Variants in EPN3 observed in about 807,000 individuals in gnomAD.
The protein encoded by EPN3 is epsin 3.
EPN3 carries 56 observed loss-of-function variants against 55.5 expected under a neutral mutation model. The observed-to-expected ratio is 1.01, with a 90% CI of 0.81 to 1.26. The LOEUF (loss-of-function observed/expected upper bound fraction) is 1.26. Among genes scored for constraint, EPN3 ranks in the 50% most tolerant of loss-of-function variants. EPN3 has a pLI of 0.00. For missense variants in EPN3, 927 were observed against 853.4 expected (o/e 1.09, Z -1.07); for synonymous variants, 449 against 375.2 (o/e 1.20, Z -2.27).
chr17:50,539,032 A>C, intron 4 of EPN3, 68 bp downstream of exon 4: 1 of 1,540,904 alleles, frequency 6.5e-7, no homozygotes, highest in African/African-American at 1.4e-5. Flanking sequence ...TCAGGGCACT[A>C]ACAGCCTCCT....
At chr17:50,539,132 C>T in intron 4 of EPN3, 55 bp from the exon 5 acceptor site, 4 of 1,605,974 alleles carry the variant, frequency 2.5e-6, no homozygotes, top group East Asian at 2.2e-5. Flanking sequence ...TGCACAGGTC[C>T]CCGGATTCCC....
At chr17:50,538,244 G>A (rs769119101) in intron 3 of EPN3, 47 bp downstream of exon 3, 1 of 1,497,054 alleles carries the variant, frequency 6.7e-7, no homozygotes, top group Admixed American at 1.7e-5. Flanking sequence ...TGGGCTAGGG[G>A]GAGAGAGTGC....
At chr17:50,537,314 G>A (rs992571050) in intron 2 of EPN3, 196 bp downstream of exon 2, 8 of 607,130 alleles carry the variant, frequency 1.3e-5, no homozygotes, top group South Asian at 6.4e-5. Flanking sequence ...TAATAACGTT[G>A]TTATAGATTC....
At position 50,537,039 on chromosome 17, in the gene EPN3, T is replaced by C; in HGVS notation, c.483T>C (p.Ile161=). The C allele has an allele frequency of 6.2e-7, 1 of 1,612,646 alleles. No homozygotes were observed. The highest frequency in any genetic ancestry group is 8.5e-7 in the Non-Finnish European group (1 of 1,179,854). Residue 161 remains isoleucine (I), a synonymous_variant, in exon 2 of 10, where the codon ATT becomes ATC. Transcript: ENST00000268933. ...KERMALEGIG[I]GSGQLGFSRR... is the part of the protein sequence containing the mutation. ...GCATGGCACTGGAGGGCATCGGCAT[T>C]GGCAGTGGGCAGCTGGGCTTCAGCC... is the stretch of plus-strand genomic sequence containing the variant.
Position 50,540,932 on chromosome 17 carries a change from G to A in EPN3, c.1119G>A (p.Trp373Ter). ...CCATGCTCTCCTCCTCTGAGCCCTG[G>A]GGCAGGACCCCAGTGCTGCCTGCTG... ...LTPMLSSSEP[W>*]GRTPVLPAGP... Residue 373 changes from tryptophan to a stop codon, truncating the protein, a stop_gained, in exon 7 of 10, where the codon TGG becomes TGA. Transcript: ENST00000268933. LOFTEE classifies it high-confidence loss of function. The A allele has an allele frequency of 1.9e-6, 3 of 1,613,960 alleles. No homozygotes were observed. Among genetic ancestry groups the A allele is most frequent in the Non-Finnish European group, 2.5e-6 (3 of 1,180,000 alleles).
chr17:50,534,086 TGCGCTTGGGC>T (rs2034722573), intron 1 of EPN3, among the ~76,000 whole-genome samples: 1 of 26,262 alleles, frequency 3.8e-5, no homozygotes, highest in Admixed American at 3.9e-4. Context: ...CTCCCTTCTC[TGCGCTTGGGC>T]AGGCTTCTTC....
chr17:50,541,194 G>T, intron 7 of EPN3, 35 bp from the exon 8 acceptor site: 2 of 1,611,086 alleles, frequency 1.2e-6, no homozygotes, highest in African/African-American at 1.3e-5. Context: ...TGCCCTTTTT[G>T]TCAACCCATC....
rs760143622 is a variant in EPN3 at position 50,540,285 on chromosome 17, C to T, written c.930C>T (p.Ala310=). The T allele has an allele frequency of 5.6e-6, 9 of 1,612,780 alleles. No individual in the cohort carries two copies. Among genetic ancestry groups the T allele is most frequent in the Non-Finnish European group, 7.6e-6 (9 of 1,179,976 alleles). ...ACTTGGCTGACATCTTCGTACCTGC[C>T]CTGGCCCCGCCCTCCACACACTGCT... is the stretch of plus-strand genomic sequence containing the variant. The part of the protein sequence containing the change: ...ILDLADIFVP[A]LAPPSTHCSA... Residue 310 remains alanine, a synonymous_variant, in exon 6 of 10, where the codon GCC becomes GCT. Coordinates refer to ENST00000268933, the MANE Select transcript of EPN3 (RefSeq NM_017957.3).
intron 1 of EPN3, 47 bp downstream of exon 1, chr17:50,533,032 G>A (rs1395646504): frequency 1.7e-6 from 2 of 1,199,528 alleles, no homozygotes; most frequent in Non-Finnish European, 2.2e-6. Context: ...GGCATGGAAG[G>A]CGGGGGTTGG....
intron 1 of EPN3, among the ~76,000 whole-genome samples, chr17:50,533,738 C>G (rs575745030): frequency 6.6e-6 from 1 of 152,140 alleles, no homozygotes; most frequent in African/African-American, 2.4e-5. Flanking sequence ...GCTGATACTC[C>G]GTGCCCCGTG....
chr17:50,537,056 G>A lies in EPN3; in HGVS notation c.500G>A (p.Gly167Asp). The A allele has an allele frequency of 6.2e-7, 1 of 1,610,802 alleles. No homozygotes were observed. Among genetic ancestry groups the A allele is most frequent in the Non-Finnish European group, 8.5e-7 (1 of 1,179,470 alleles). ...ATCGGCATTGGCAGTGGGCAGCTGGGCTTCAGCCGCCGCTACGGCGAGGAC... is the reference window on the plus strand; with the variant it reads ...ATCGGCATTGGCAGTGGGCAGCTGGACTTCAGCCGCCGCTACGGCGAGGAC... ...EGIGIGSGQL[G>D]FSRRYGEDYS... is the part of the protein sequence containing the mutation. The change falls in exon 2 of 10, where the codon GGC becomes GAC. Residue 167 changes from glycine (G) to aspartate (D), a missense_variant. Coordinates refer to ENST00000268933, the MANE Select transcript of EPN3 (RefSeq NM_017957.3).
intron 6 of EPN3, 24 bp from the exon 7 acceptor site, chr17:50,540,769 A>G (rs1437290281): frequency 1.3e-6 from 2 of 1,569,822 alleles, no homozygotes; most frequent in South Asian, 1.2e-5. Context: ...GCCTGGGATC[A>G]TGTCTATGCT....
Position 50,536,574 on chromosome 17 carries a change from C to A in EPN3, c.18C>A (p.Leu6=). The change falls in exon 2 of 10, where the codon CTC becomes CTA. Residue 6 remains leucine (L), a synonymous_variant. Transcript: ENST00000268933. ...CTCCAGCCATGACGACCTCCGCACTCCGGCGCCAGGTGAAGAACATCGTGC... is the reference window on the plus strand; with the variant it reads ...CTCCAGCCATGACGACCTCCGCACTACGGCGCCAGGTGAAGAACATCGTGC... MTTSA[L]RRQVKNIVHN... 1 of 1,613,976 alleles carries A rather than the reference C, an allele frequency of 6.2e-7. No homozygotes were observed. The highest frequency in any genetic ancestry group is 1.1e-5 in the South Asian group (1 of 91,086).
In EPN3 at chr17:50,532,836, T is replaced by G; in HGVS notation, c.-286T>G. On this transcript the variant is annotated 5_prime_UTR_variant, in exon 1 of 10. Transcript: ENST00000268933. ...GCCCCTCTGAGGGGTCTGCACCTCC[T>G]GGGAGCAGGTGGGTCTCTGGGACGA... The G allele has an allele frequency of 7.9e-7, 1 of 1,258,120 alleles. No individual in the cohort carries two copies. Among genetic ancestry groups the G allele is most frequent in the South Asian group, 1.3e-5 (1 of 79,832 alleles). The allele number at this position is 1,258,120 out of a possible 1,614,324, so 77.9% of individuals were successfully genotyped here.
intron 1 of EPN3, among the ~76,000 whole-genome samples, chr17:50,535,250 G>A (rs1432685475): frequency 6.6e-6 from 1 of 152,200 alleles, no homozygotes; most frequent in Non-Finnish European, 1.5e-5. Context: ...GTGGGACTGA[G>A]ACAGTAAAGC....
chr17:50,535,480 G>A (rs572997847), intron 1 of EPN3, among the ~76,000 whole-genome samples: 20 of 152,286 alleles, frequency 1.3e-4, no homozygotes, highest in African/African-American at 4.3e-4. Context: ...TTCCTCAAAC[G>A]ATACTTGCTC....
chr17:50,537,928 G>C, intron 2 of EPN3, 151 bp from the exon 3 acceptor site: 2 of 623,946 alleles, frequency 3.2e-6, no homozygotes, highest in Non-Finnish European at 5.6e-6. Flanking sequence ...GGAACTTACA[G>C]AGTGCCTGGC....
At chr17:50,538,538 A>T in intron 3 of EPN3, 1 of 416,712 alleles carries the variant, frequency 2.4e-6, no homozygotes. Flanking sequence ...CCCACCAGCT[A>T]TCCTTTTGGG....
intron 9 of EPN3, 31 bp downstream of exon 9, chr17:50,541,725 G>A: frequency 6.2e-7 from 1 of 1,611,778 alleles, no homozygotes; most frequent in Non-Finnish European, 8.5e-7. Flanking sequence ...TCAACCCAGG[G>A]GCTCCTGCTT....
Sources: allele counts gnomAD v4.1 joint callset (sites outside exome capture counted in the v4.1 genomes callset), GRCh38; gene constraint gnomAD v4.1.1; transcripts MANE v1.5; gene names NCBI Gene and HGNC (gene_info 2026-07-23, HGNC 2026-07-21).